Variants in NLGN4X observed in about 807,000 individuals in gnomAD.
The protein encoded by NLGN4X is neuroligin 4 X-linked.
Under a neutral mutation model 40.3 loss-of-function variants are expected in NLGN4X, and 3 were observed. That is an observed-to-expected ratio of 0.07 (90% CI 0.03 to 0.19). NLGN4X has a LOEUF of 0.19. Ranked by LOEUF, NLGN4X falls within the 10% of genes least tolerant of loss-of-function variation. NLGN4X has a pLI of 1.00. For missense variants in NLGN4X, 382 were observed against 708.3 expected (o/e 0.54, Z 5.23); for synonymous variants, 270 against 306.8 (o/e 0.88, Z 1.25).
chrX:6,039,936 T>TTTTG, intron 2 of NLGN4X, among the ~76,000 whole-genome samples: 1 of 111,587 alleles, frequency 9.0e-6, no homozygotes. Context: ...TGAATATGCA[T>TTTTG]TTTGTTTGTT....
chrX:5,893,318 A>G lies in NLGN4X; in HGVS notation c.1950T>C (p.Ser650=). The change falls in exon 6 of 6, where the codon TCT becomes TCC. Residue 650 remains serine, a synonymous_variant. Transcript: ENST00000381095. ...AITPANNPKH[S]KDPHKTGPED... The stretch of plus-strand genomic sequence containing the variant: ...CAGGCCCTGTTTTGTGAGGGTCCTT[A>G]GAGTGTTTGGGATTGTTGGCAGGAG... 8.3e-7 allele frequency: 1 copy of G among 1,210,798 alleles called. No individual in the cohort carries two copies. Among genetic ancestry groups the G allele is most frequent in the Non-Finnish European group, 1.1e-6 (1 of 895,268 alleles).
At chrX:6,147,495 C>T (rs1215171857) in intron 2 of NLGN4X, among the ~76,000 whole-genome samples, 6 of 112,209 alleles carry the variant, frequency 5.3e-5, no homozygotes, top group Admixed American at 3.8e-4. Flanking sequence ...AGACGAATCA[C>T]GAACTGTACT....
Position 5,892,658 on chromosome X carries a change from G to C in NLGN4X, c.*159C>G, listed in dbSNP as rs989634767. The C allele has an allele frequency of 5.8e-6, 4 of 684,783 alleles. No individual in the cohort carries two copies. The African/African-American group carries it at 8.7e-5, about 15-fold the overall frequency. 56.4% of individuals were successfully genotyped at this position (684,783 alleles called of 1,213,427 possible). On this transcript the variant is annotated 3_prime_UTR_variant, in exon 6 of 6. Coordinates refer to ENST00000381095, the MANE Select transcript of NLGN4X (RefSeq NM_181332.3). Reference sequence around the variant, plus strand: ...CCAACGATAAGGGTCTGCCGGGATGGGATGACTGCCTTTTTGCATTTTTGT... The same window carrying C: ...CCAACGATAAGGGTCTGCCGGGATGCGATGACTGCCTTTTTGCATTTTTGT...
chrX:5,978,275 T>G (rs1242870133), intron 3 of NLGN4X, among the ~76,000 whole-genome samples: 1 of 1,205 alleles, frequency 8.3e-4, no homozygotes, highest in Non-Finnish European at 1.6e-3. Context: ...TCTCTTTTTT[T>G]CTTTCTTTCT....
At chrX:5,906,037 A>G (rs1160481266) in intron 4 of NLGN4X, among the ~76,000 whole-genome samples, 6 of 110,089 alleles carry the variant, frequency 5.5e-5, no homozygotes. Context: ...ATGCAAAAGT[A>G]TAATAATTTC....
intron 3 of NLGN4X, among the ~76,000 whole-genome samples, chrX:5,932,779 G>A (rs1234712485): frequency 1.8e-5 from 2 of 110,317 alleles, no homozygotes; most frequent in African/African-American, 6.6e-5. Context: ...AGAGATACCA[G>A]GATCAGGTAA....
intron 2 of NLGN4X, among the ~76,000 whole-genome samples, chrX:6,132,847 C>T (rs12555980): frequency 0.44 from 48,487 of 109,574 alleles, 7,908 homozygotes; most frequent in Admixed American, 0.58. Flanking sequence ...AGCTAGCACA[C>T]TTGGCTCACT....
chrX:6,094,644 G>T lies in NLGN4X; in HGVS notation c.472+56351C>A, dbSNP rs778402578. On this transcript the variant is annotated intron_variant, in intron 2 of 5. Coordinates refer to ENST00000381095, the MANE Select transcript of NLGN4X (RefSeq NM_181332.3). Reference sequence around the variant, plus strand: ...CCCTACTTCACATTTCTGTTATGGGGTGGGGGGATACTAGACAGGGTATGC... The same window carrying T: ...CCCTACTTCACATTTCTGTTATGGGTTGGGGGGATACTAGACAGGGTATGC... 1.1e-4 allele frequency among the ~76,000 whole-genome samples: 12 copies of T among 111,367 alleles called. No individual in the cohort carries two copies. In the South Asian group the frequency reaches 4.6e-3, roughly 43 times the overall value.
At chrX:6,025,819 G>A (rs1195480251) in intron 3 of NLGN4X, among the ~76,000 whole-genome samples, 2 of 107,740 alleles carry the variant, frequency 1.9e-5, no homozygotes, top group African/African-American at 3.4e-5. Context: ...CAGGAGAAGC[G>A]CTTGGACCCG....
At chrX:6,219,982 C>T (rs773903968) in intron 1 of NLGN4X, among the ~76,000 whole-genome samples, 1 of 108,301 alleles carries the variant, frequency 9.2e-6, no homozygotes, top group African/African-American at 3.3e-5. Context: ...TACTTTGATT[C>T]GACAAAAACA....
chrX:6,010,513 T>TTTTTTTTTATTATTATTATTATTA (rs375723769), intron 3 of NLGN4X, among the ~76,000 whole-genome samples: 6 of 95,413 alleles, frequency 6.3e-5, no homozygotes, highest in African/African-American at 2.3e-4. Flanking sequence ...TTCTTTTTAT[T>TTTTTTTTTATTATTATTATTATTA]TTATTATTAT....
intron 3 of NLGN4X, among the ~76,000 whole-genome samples, chrX:5,909,558 G>C (rs1416644787): frequency 2.8e-5 from 3 of 107,481 alleles, no homozygotes; most frequent in Admixed American, 2.0e-4. Flanking sequence ...TAGGTTCAAG[G>C]TATCATTTCT....
chrX:6,022,309 G>A (rs2036578303), intron 3 of NLGN4X, among the ~76,000 whole-genome samples: 2 of 111,828 alleles, frequency 1.8e-5, no homozygotes, highest in South Asian at 3.7e-4. Context: ...AAAAGGAAAT[G>A]ATGCTTTCTT....
At chrX:5,965,643 A>G (rs1433947994) in intron 3 of NLGN4X, among the ~76,000 whole-genome samples, 3 of 111,722 alleles carry the variant, frequency 2.7e-5, no homozygotes, top group Non-Finnish European at 5.6e-5. Flanking sequence ...AACCCAGGAG[A>G]TAAGGACAGA....
At chrX:5,959,181 C>A (rs1475073724) in intron 3 of NLGN4X, among the ~76,000 whole-genome samples, 1 of 111,743 alleles carries the variant, frequency 8.9e-6, no homozygotes, top group East Asian at 2.8e-4. Context: ...TCTTTAAGGA[C>A]AAAACAAGTG....
intron 2 of NLGN4X, among the ~76,000 whole-genome samples, chrX:6,075,749 C>A (rs759793864): frequency 9.0e-6 from 1 of 111,487 alleles, no homozygotes; most frequent in Non-Finnish European, 1.9e-5. Context: ...TTTGCATACA[C>A]CAGCTCTTCT....
At chrX:6,137,363 T>C (rs898837523) in intron 2 of NLGN4X, among the ~76,000 whole-genome samples, 1 of 111,970 alleles carries the variant, frequency 8.9e-6, no homozygotes, top group Admixed American at 9.5e-5. Flanking sequence ...CTTGATTACA[T>C]TTGCAGAAAT....
intron 3 of NLGN4X, among the ~76,000 whole-genome samples, chrX:5,990,640 ATTTT>A (rs759410619): frequency 9.0e-6 from 1 of 111,559 alleles, no homozygotes; most frequent in East Asian, 2.8e-4. Context: ...TATTCAACTA[ATTTT>A]TTTTGTGTCC....
At chrX:5,997,585 T>TATATATATATACACATATATATATACAC (rs1569177142) in intron 3 of NLGN4X, among the ~76,000 whole-genome samples, 5 of 49,944 alleles carry the variant, frequency 1.0e-4, no homozygotes, top group East Asian at 1.3e-3. Flanking sequence ...TGTGTGTGTG[T>TATATATATATACACATATATATATACAC]GTATATATAT....
Sources: gnomAD v4.1 joint callset for allele counts (sites outside exome capture counted in the v4.1 genomes callset) on GRCh38, gnomAD v4.1.1 for gene constraint, MANE v1.5 for transcripts, NCBI Gene and HGNC (gene_info 2026-07-23, HGNC 2026-07-21) for gene names.